The following EPHA4 variants were observed in gnomAD, a reference collection of about 807,000 sequenced individuals.
EPHA4 encodes ephrin type-A receptor 4.
In EPHA4, 19 loss-of-function variants were observed where a neutral mutation model predicts 108.3. That is an observed-to-expected ratio of 0.18 (90% CI 0.12 to 0.26). The LOEUF (loss-of-function observed/expected upper bound fraction) is 0.26, where lower values mean the gene tolerates loss of function less well. Among genes scored for constraint, EPHA4 ranks in the 10% least tolerant of loss-of-function variants. The probability of loss-of-function intolerance (pLI) is 1.00; values close to 1 mark genes in which losing one functional copy is unlikely to be tolerated. For synonymous variants in EPHA4, 449 were observed against 455.5 expected (o/e 0.99, Z 0.18); for missense variants, 917 against 1,254.0 (o/e 0.73, Z 4.06).
At chr2:221,535,687 A>G (rs993229143) in intron 3 of EPHA4, among the ~76,000 whole-genome samples, 12 of 152,198 alleles carry the variant, frequency 7.9e-5, no homozygotes, top group Non-Finnish European at 1.8e-4. Context: ...CTTTACTGTG[A>G]GGCTTTTCTT....
chr2:221,428,764 G>A (rs1689987494), intron 15 of EPHA4, among the ~76,000 whole-genome samples: 1 of 152,194 alleles, frequency 6.6e-6, no homozygotes, highest in Admixed American at 6.5e-5. Context: ...GAGGTGAAAT[G>A]TTAATTCAGC....
intron 5 of EPHA4, among the ~76,000 whole-genome samples, chr2:221,463,358 C>T (rs1691208558): frequency 6.6e-6 from 1 of 152,112 alleles, no homozygotes; most frequent in African/African-American, 2.4e-5. Flanking sequence ...TGTTGTATTC[C>T]CAGTTCTACA....
rs776926049 is a variant in EPHA4, at chr2:221,430,070, A to C, written c.2578T>G (p.Cys860Gly). ...CTGTCGCTCCTCTCCTTCTGCCAGCAGTCTAGCATCAGCTGGTGGAGCGCA... is the reference window on the plus strand; with the variant it reads ...CTGTCGCTCCTCTCCTTCTGCCAGCCGTCTAGCATCAGCTGGTGGAGCGCA... The part of the protein sequence containing the change: ...PIALHQLMLD[C>G]WQKERSDRPK... The change falls in exon 15 of 18, where the codon TGC becomes GGC. Residue 860 changes from cysteine to glycine, a missense_variant. Physicochemically the swap from Cys to Gly is radical, Grantham distance 159 (BLOSUM62 -3). Transcript: ENST00000281821. 2.5e-6 allele frequency: 4 copies of C among 1,614,018 alleles called. No individual in the cohort carries two copies. Among genetic ancestry groups the C allele is most frequent in the Non-Finnish European group, 3.4e-6 (4 of 1,180,000 alleles).
chr2:221,534,964 G>A (rs1427840297), intron 3 of EPHA4, among the ~76,000 whole-genome samples: 1 of 152,226 alleles, frequency 6.6e-6, no homozygotes, highest in Non-Finnish European at 1.5e-5. Context: ...ATTTCTAGCT[G>A]TCTGGGATTA....
chr2:221,437,442 G>A, intron 11 of EPHA4: 1 of 228,022 alleles, frequency 4.4e-6, no homozygotes, highest in Non-Finnish European at 8.5e-6. Context: ...GATAAATGGG[G>A]AGGCCTGTTT....
intron 11 of EPHA4, among the ~76,000 whole-genome samples, chr2:221,441,596 C>T (rs1295393076): frequency 6.6e-6 from 1 of 152,016 alleles, no homozygotes; most frequent in Non-Finnish European, 1.5e-5. Flanking sequence ...AGGCTGTCAC[C>T]CCGACTCTCC....
At chr2:221,563,612 G>A (rs11888889) in intron 3 of EPHA4, 119 bp downstream of exon 3, 333,255 of 1,203,578 alleles carry the variant, frequency 0.28, 48,513 homozygotes, top group East Asian at 0.52. Flanking sequence ...TTAGACCCCT[G>A]TGTCCCACCA....
chr2:221,548,022 G>A (rs535883382), intron 3 of EPHA4, among the ~76,000 whole-genome samples: 4 of 152,152 alleles, frequency 2.6e-5, no homozygotes, highest in Admixed American at 6.5e-5. Flanking sequence ...TAGTTTGGAT[G>A]TTTCTCCCCT....
In EPHA4 at chr2:221,434,158, T is replaced by C; in HGVS notation, c.2480A>G (p.Asp827Gly). The C allele has an allele frequency of 6.2e-7, 1 of 1,613,532 alleles. No homozygotes were observed. Among genetic ancestry groups the C allele is most frequent in the Non-Finnish European group, 8.5e-7 (1 of 1,179,776 alleles). The change falls in exon 14 of 18, where the codon GAT becomes GGT. Residue 827 changes from aspartate to glycine, a missense_variant. Transcript: ENST00000281821. ...VMSYGERPYW[D>G]MSNQDVIKAI... The stretch of plus-strand genomic sequence containing the variant: ...GAGACTTACATCTTGATTGGACATA[T>C]CCCAATAGGGCCTCTCCCCGTACGA...
At chr2:221,544,104 T>C (rs547891933) in intron 3 of EPHA4, among the ~76,000 whole-genome samples, 13 of 152,280 alleles carry the variant, frequency 8.5e-5, no homozygotes, top group African/African-American at 1.7e-4. Flanking sequence ...TCCACTCTCA[T>C]GACCTAAACG....
At chr2:221,431,052 C>T (rs1051619457) in intron 14 of EPHA4, among the ~76,000 whole-genome samples, 3 of 152,202 alleles carry the variant, frequency 2.0e-5, no homozygotes, top group Non-Finnish European at 4.4e-5. Context: ...TTTTCTCTAA[C>T]ATCCTCCCCC....
Position 221,455,658 on chromosome 2 carries a change from A to G in EPHA4, c.1604T>C (p.Val535Ala), listed in dbSNP as rs762788015. 1 of 1,609,926 alleles carries G rather than the reference A, an allele frequency of 6.2e-7. No homozygotes were observed. The highest frequency in any genetic ancestry group is 8.5e-7 in the Non-Finnish European group (1 of 1,176,498). ...CCCATCTCCAATGATCCGGGAAGGC[A>G]CTGGGAATGACAATTGCATAAGGGT... is the stretch of plus-strand genomic sequence containing the variant. ...SEPLEVTTNT[V>A]PSRIIGDGAN... Residue 535 changes from valine to alanine, a missense_variant and splice_region_variant, in exon 8 of 18, where the codon GTG becomes GCG. Around this residue, in one of 3 missense-constraint regions of EPHA4, gnomAD observed 758 missense variants for 1,076.7 expected, o/e 0.70. Coordinates refer to ENST00000281821, the MANE Select transcript of EPHA4 (RefSeq NM_004438.5).
At chr2:221,473,644 T>A (rs903755278) in intron 5 of EPHA4, among the ~76,000 whole-genome samples, 2 of 151,946 alleles carry the variant, frequency 1.3e-5, no homozygotes, top group African/African-American at 4.8e-5. Flanking sequence ...TTCATTGATG[T>A]TCAATTGCAG....
At chr2:221,543,691 A>G (rs1336537403) in intron 3 of EPHA4, among the ~76,000 whole-genome samples, 1 of 152,230 alleles carries the variant, frequency 6.6e-6, no homozygotes, top group African/African-American at 2.4e-5. Flanking sequence ...GTCTAGTGAA[A>G]TATTAATCAG....
intron 5 of EPHA4, among the ~76,000 whole-genome samples, chr2:221,473,110 A>G (rs1236692882): frequency 6.6e-6 from 1 of 152,186 alleles, no homozygotes; most frequent in African/African-American, 2.4e-5. Context: ...GACTGGCACC[A>G]TCTCTCGTTT....
chr2:221,436,789 G>C (rs1461649877), intron 12 of EPHA4, among the ~76,000 whole-genome samples, 181 bp from the exon 13 acceptor site: 1 of 152,142 alleles, frequency 6.6e-6, no homozygotes, highest in Non-Finnish European at 1.5e-5. Context: ...CCTAGGAGCT[G>C]GGTTTGCTTC....
At chr2:221,543,073 G>A (rs1237986317) in intron 3 of EPHA4, among the ~76,000 whole-genome samples, 2 of 152,080 alleles carry the variant, frequency 1.3e-5, no homozygotes, top group Non-Finnish European at 2.9e-5. Flanking sequence ...TCAAAACTGA[G>A]CCTTTTTCAG....
chr2:221,547,981 A>G (rs1326534111), intron 3 of EPHA4, among the ~76,000 whole-genome samples: 1 of 152,186 alleles, frequency 6.6e-6, no homozygotes, highest in East Asian at 1.9e-4. Flanking sequence ...GATATTTCCT[A>G]TCTTCTTCAA....
Position 221,443,506 on chromosome 2 carries a change from T to C in EPHA4, c.1875A>G (p.Lys625=), listed in dbSNP as rs10498111. The stretch of plus-strand genomic sequence containing the variant: ...TCAGACACTTACCAACTCCTATAAC[T>C]TTTTCAATCTTAATGCAGGATGCGT... ...EIDASCIKIE[K]VIGVGEFGEV... Residue 625 remains lysine (K), a synonymous_variant, in exon 10 of 18, where the codon AAA becomes AAG. Coordinates refer to ENST00000281821, the MANE Select transcript of EPHA4 (RefSeq NM_004438.5). The C allele has an allele frequency of 0.023, 36,589 of 1,613,282 alleles. 1,630 individuals carry two copies. Among genetic ancestry groups the C allele is most frequent in the African/African-American group, 0.14 (10,191 of 74,874 alleles).
Sources: gnomAD v4.1 joint callset for allele counts (sites outside exome capture counted in the v4.1 genomes callset) on GRCh38, gnomAD v4.1.1 for gene constraint, gnomAD v4.1.1 regional missense constraint, MANE v1.5 for transcripts, NCBI Gene and HGNC (gene_info 2026-07-23, HGNC 2026-07-21) for gene names.